Variants in ATP8A1 observed in about 807,000 individuals in gnomAD.
The protein encoded by ATP8A1 is ATPase phospholipid transporting 8A1.
Under a neutral mutation model 177.7 loss-of-function variants are expected in ATP8A1, and 90 were observed. The observed-to-expected ratio is 0.51, with a 90% CI of 0.43 to 0.60. The LOEUF (loss-of-function observed/expected upper bound fraction) is 0.60. Among genes scored for constraint, ATP8A1 ranks in the 20% least tolerant of loss-of-function variants. The pLI, the probability that ATP8A1 is intolerant of heterozygous loss-of-function variation, is 0.00. For synonymous variants in ATP8A1, 493 were observed against 485.9 expected, an observed-to-expected ratio of 1.01 and a Z score of -0.19; for missense variants, 1,072 against 1,392.8, an observed-to-expected ratio of 0.77 and a Z score of 3.67.
intron 6 of ATP8A1, among the ~76,000 whole-genome samples, chr4:42,596,745 A>G (rs1208291926): frequency 2.0e-5 from 3 of 152,092 alleles, no homozygotes; most frequent in Non-Finnish European, 2.9e-5. Flanking sequence ...GGCTTTACAG[A>G]GTAACTTTTA....
At chr4:42,534,137 T>C (rs971710843) in intron 20 of ATP8A1, among the ~76,000 whole-genome samples, 1 of 152,182 alleles carries the variant, frequency 6.6e-6, no homozygotes, top group African/African-American at 2.4e-5. Flanking sequence ...CAAAAGATCA[T>C]GCTAAGTCAC....
At chr4:42,636,999 A>G (rs548532359) in intron 1 of ATP8A1, among the ~76,000 whole-genome samples, 35 of 152,172 alleles carry the variant, frequency 2.3e-4, no homozygotes, top group Non-Finnish European at 4.3e-4. Flanking sequence ...CTCAGCCTAT[A>G]TATTATGGAG....
chr4:42,422,533 CTTCA>C, intron 35 of ATP8A1, among the ~76,000 whole-genome samples: 1 of 152,234 alleles, frequency 6.6e-6, no homozygotes, highest in East Asian at 1.9e-4. Flanking sequence ...CTTTATAATA[CTTCA>C]TTCAACTCTT....
At chr4:42,559,719 A>G (rs1730616149) in intron 15 of ATP8A1, among the ~76,000 whole-genome samples, 1 of 152,208 alleles carries the variant, frequency 6.6e-6, no homozygotes, top group East Asian at 1.9e-4. Context: ...TCTGTCACCC[A>G]GGCTGGAGTG....
chr4:42,618,010 T>G (rs1191441935), intron 4 of ATP8A1, among the ~76,000 whole-genome samples: 1 of 152,176 alleles, frequency 6.6e-6, no homozygotes, highest in African/African-American at 2.4e-5. Flanking sequence ...ATACCTCAAC[T>G]GTGTCATAAT....
At chr4:42,413,494 AC>A (rs1271965753) in intron 36 of ATP8A1, among the ~76,000 whole-genome samples, 3 of 152,084 alleles carry the variant, frequency 2.0e-5, no homozygotes, top group Non-Finnish European at 4.4e-5. Flanking sequence ...GGCTTCAGGG[AC>A]CCCCTTAAAT....
Position 42,524,937 on chromosome 4 carries a change from T to C in ATP8A1, c.1723-90A>G, listed in dbSNP as rs1434843685. On this transcript the variant is annotated intron_variant, in intron 20 of 36. Transcript: ENST00000381668. ...GGTAACAATAGCAGTAGGAAATCAG[T>C]GTAACAACCACCAATCTCTTTTGGC... 1.6e-5 allele frequency: 11 copies of C among 705,830 alleles called. No homozygotes were observed. The Admixed American group carries it at 2.1e-4, about 13-fold the overall frequency. The allele number at this position is 705,830 out of a possible 1,614,324, so 43.7% of individuals were successfully genotyped here.
intron 16 of ATP8A1, among the ~76,000 whole-genome samples, chr4:42,553,621 CAA>C: frequency 6.9e-6 from 1 of 145,402 alleles, no homozygotes; most frequent in East Asian, 2.0e-4. Context: ...TGCTCTTGGG[CAA>C]AAAAAAAATA....
chr4:42,550,283 A>C (rs549810960), intron 18 of ATP8A1, among the ~76,000 whole-genome samples: 87 of 150,498 alleles, frequency 5.8e-4, no homozygotes, highest in African/African-American at 2.1e-3. Context: ...TCAATAACTC[A>C]TTCTTTTTTA....
At chr4:42,543,859 CAT>C in intron 20 of ATP8A1, 56 bp downstream of exon 20, 1 of 1,276,240 alleles carries the variant, frequency 7.8e-7, no homozygotes, top group Non-Finnish European at 1.1e-6. Flanking sequence ...GAATGCCTAA[CAT>C]ATACATTATA....
At chr4:42,481,861 T>C (rs1721705182) in intron 25 of ATP8A1, among the ~76,000 whole-genome samples, 1 of 152,212 alleles carries the variant, frequency 6.6e-6, no homozygotes, top group Non-Finnish European at 1.5e-5. Context: ...AGTGGACTTG[T>C]GTGAGGGAGT....
At chr4:42,522,712 C>T (rs1399797479) in intron 21 of ATP8A1, among the ~76,000 whole-genome samples, 3 of 152,184 alleles carry the variant, frequency 2.0e-5, no homozygotes, top group Admixed American at 2.0e-4. Context: ...TTTGCACATG[C>T]TGGTAACTTT....
chr4:42,497,376 C>T (rs368610720), intron 24 of ATP8A1, among the ~76,000 whole-genome samples: 3 of 152,132 alleles, frequency 2.0e-5, no homozygotes, highest in Non-Finnish European at 2.9e-5. Flanking sequence ...GGCAGAGATG[C>T]AAAGAGGGCA....
chr4:42,543,903 A>T lies in ATP8A1; in HGVS notation c.1722+14T>A. The T allele has an allele frequency of 6.3e-7, 1 of 1,585,402 alleles. No homozygotes were observed. Among genetic ancestry groups the T allele is most frequent in the South Asian group, 1.1e-5 (1 of 88,646 alleles). Reference sequence around the variant, plus strand: ...CATAAATTATAACTGTAAAAAATAAAAATAAAAACTTACAGCTCCTTTGCA... The same window carrying T: ...CATAAATTATAACTGTAAAAAATAATAATAAAAACTTACAGCTCCTTTGCA... On this transcript the variant is annotated intron_variant, in intron 20 of 36. Coordinates refer to ENST00000381668, the MANE Select transcript of ATP8A1 (RefSeq NM_006095.2).
chr4:42,513,726 A>G (rs1725241289), intron 22 of ATP8A1, among the ~76,000 whole-genome samples: 3 of 152,232 alleles, frequency 2.0e-5, no homozygotes, highest in Admixed American at 2.0e-4. Context: ...TTATGCTGAC[A>G]ATCCCAAAGG....
At chr4:42,584,735 T>G (rs1733447854) in intron 9 of ATP8A1, among the ~76,000 whole-genome samples, 1 of 152,242 alleles carries the variant, frequency 6.6e-6, no homozygotes, top group South Asian at 2.1e-4. Flanking sequence ...TTTAAATATC[T>G]ATGCCACTTA....
At chr4:42,456,018 G>C (rs189013339) in intron 27 of ATP8A1, among the ~76,000 whole-genome samples, 1 of 152,178 alleles carries the variant, frequency 6.6e-6, no homozygotes, top group Non-Finnish European at 1.5e-5. Context: ...TTAGGAAATA[G>C]TTTCCTGCAA....
chr4:42,472,747 C>CAAAAAAAAAAAAA (rs11315234), intron 25 of ATP8A1, among the ~76,000 whole-genome samples: 1 of 111,040 alleles, frequency 9.0e-6, no homozygotes, highest in Non-Finnish European at 1.8e-5. Context: ...GAGACTGTCT[C>CAAAAAAAAAAAAA]AAAAAAAAAA....
At chr4:42,577,024 T>C (rs1732530709) in intron 12 of ATP8A1, among the ~76,000 whole-genome samples, 1 of 152,234 alleles carries the variant, frequency 6.6e-6, no homozygotes, top group African/African-American at 2.4e-5. Context: ...ACAAGAAAGT[T>C]GCTTTGTAAA....
Sources: allele counts gnomAD v4.1 joint callset (sites outside exome capture counted in the v4.1 genomes callset), GRCh38; gene constraint gnomAD v4.1.1; transcripts MANE v1.5; gene names NCBI Gene and HGNC (gene_info 2026-07-23, HGNC 2026-07-21).